Variants in DPP6 observed in about 807,000 individuals in gnomAD.
The protein encoded by DPP6 is A-type potassium channel modulatory protein DPP6.
Under a neutral mutation model 122.6 loss-of-function variants are expected in DPP6, and 69 were observed. The ratio of observed to expected loss-of-function variants is 0.56; its 90% CI spans 0.46 to 0.69. DPP6 has a LOEUF of 0.69. Among genes scored for constraint, DPP6 ranks in the 30% least tolerant of loss-of-function variants. The pLI is 0.00. For missense variants in DPP6, 928 were observed against 1,116.9 expected (o/e 0.83, Z 2.41); for synonymous variants, 418 against 433.1 (o/e 0.97, Z 0.43).
At chr7:154,137,190 A>G (rs1795599549) in intron 1 of DPP6, among the ~76,000 whole-genome samples, 3 of 152,168 alleles carry the variant, frequency 2.0e-5, no homozygotes, top group South Asian at 2.1e-4. Flanking sequence ...TTTTATGACA[A>G]CCATCTAAAC....
At chr7:154,707,155 G>T (rs1298125067) in intron 7 of DPP6, among the ~76,000 whole-genome samples, 2 of 152,214 alleles carry the variant, frequency 1.3e-5, no homozygotes, top group Non-Finnish European at 2.9e-5. Context: ...CAAGAATCCT[G>T]TGATTAAAAT....
At chr7:153,918,456 ACACACACACACTCT>A (rs1488709389) in intron 1 of DPP6, among the ~76,000 whole-genome samples, 52 of 104,418 alleles carry the variant, frequency 5.0e-4, no homozygotes, top group Non-Finnish European at 7.9e-4. Context: ...ACACACACAC[ACACACACACACTCT>A]CTCTCTCTCT....
At chr7:153,875,639 A>C in the DPP6 span, among the ~76,000 whole-genome samples, 1 of 152,188 alleles carries the variant, frequency 6.6e-6, no homozygotes, top group Middle Eastern at 3.4e-3. Context: ...TATCAATATA[A>C]GATTCTAATT....
chr7:154,233,108 G>A (rs1473128505), intron 1 of DPP6, among the ~76,000 whole-genome samples: 3 of 152,248 alleles, frequency 2.0e-5, no homozygotes, highest in Non-Finnish European at 4.4e-5. Context: ...AAACTGTGTA[G>A]ATAGTAAGTC....
chr7:154,837,142 T>C lies in DPP6; in HGVS notation c.1667-16638T>C, dbSNP rs1490357310. 7.9e-5 allele frequency among the ~76,000 whole-genome samples: 12 copies of C among 151,632 alleles called. No homozygotes were observed. In the East Asian group the frequency reaches 2.0e-3, roughly 25 times the overall value. ...ACATGCATGCAGGCACATTCACACA[T>C]GCATGCACACACATGCACACAAACA... On this transcript the variant is annotated intron_variant, in intron 16 of 25. Transcript: ENST00000377770.
chr7:154,194,759 G>A (rs146429887), intron 1 of DPP6, among the ~76,000 whole-genome samples: 2 of 152,234 alleles, frequency 1.3e-5, no homozygotes, highest in East Asian at 1.9e-4. Context: ...GGACTTATTC[G>A]TCTCTCCTCT....
chr7:154,582,361 A>T (rs1832127428), intron 5 of DPP6, among the ~76,000 whole-genome samples: 1 of 152,262 alleles, frequency 6.6e-6, no homozygotes, highest in South Asian at 2.1e-4. Context: ...TTAGTTTCCA[A>T]GAATCTTGTG....
At chr7:154,571,119 G>A (rs1353717313) in intron 5 of DPP6, among the ~76,000 whole-genome samples, 1 of 151,972 alleles carries the variant, frequency 6.6e-6, no homozygotes, top group African/African-American at 2.4e-5. Flanking sequence ...ATATTCTCTT[G>A]AAATTAAGTT....
At chr7:153,807,197 G>A in the DPP6 span, among the ~76,000 whole-genome samples, 3 of 151,816 alleles carry the variant, frequency 2.0e-5, no homozygotes, top group African/African-American at 7.3e-5. Flanking sequence ...CACATCACCT[G>A]AGGTCAGGAG....
At chr7:154,698,174 A>T (rs1317722455) in intron 7 of DPP6, among the ~76,000 whole-genome samples, 1 of 152,212 alleles carries the variant, frequency 6.6e-6, no homozygotes, top group Non-Finnish European at 1.5e-5. Flanking sequence ...ACCTTTTGAT[A>T]CAATTAGCAT....
Position 154,853,765 on chromosome 7 carries a change from C to T in DPP6, c.1667-15C>T, listed in dbSNP as rs745674990. On this transcript the variant is annotated splice_polypyrimidine_tract_variant and intron_variant, in intron 16 of 25. Coordinates refer to ENST00000377770, the MANE Select transcript of DPP6 (RefSeq NM_130797.4). ...CGTTTTTGTTTTCTTCCTGGCTATTCTCTACCCAACACAGGTCCTGGTGTT... is the reference window on the plus strand; with the variant it reads ...CGTTTTTGTTTTCTTCCTGGCTATTTTCTACCCAACACAGGTCCTGGTGTT... 6.2e-7 allele frequency: 1 copy of T among 1,611,320 alleles called. No individual in the cohort carries two copies. The highest frequency in any genetic ancestry group is 8.5e-7 in the Non-Finnish European group (1 of 1,179,012).
At chr7:153,755,740 C>A in the DPP6 span, among the ~76,000 whole-genome samples, 1 of 152,064 alleles carries the variant, frequency 6.6e-6, no homozygotes, top group Admixed American at 6.5e-5. Flanking sequence ...GATTTTAGCA[C>A]TGATTCCCTT....
At chr7:154,813,314 A>C (rs1799191282) in intron 16 of DPP6, among the ~76,000 whole-genome samples, 1 of 151,918 alleles carries the variant, frequency 6.6e-6, no homozygotes, top group Admixed American at 6.6e-5. Context: ...CAATCTCCTG[A>C]CCTTGTGATC....
chr7:154,086,499 A>C (rs2150539415), intron 1 of DPP6, among the ~76,000 whole-genome samples: 1 of 146,940 alleles, frequency 6.8e-6, no homozygotes, highest in Admixed American at 6.8e-5. Context: ...CCCCTTTCTC[A>C]TTCTGTTCCA....
chr7:154,258,919 C>T (rs1434490908), intron 1 of DPP6, among the ~76,000 whole-genome samples: 3 of 152,136 alleles, frequency 2.0e-5, no homozygotes, highest in Non-Finnish European at 4.4e-5. Context: ...ATTGAAACTA[C>T]AAGATATATG....
At chr7:154,724,037 T>A (rs1841947295) in intron 7 of DPP6, among the ~76,000 whole-genome samples, 1 of 152,318 alleles carries the variant, frequency 6.6e-6, no homozygotes, top group African/African-American at 2.4e-5. Flanking sequence ...GGTTCCTGGG[T>A]CACAGGTTCT....
intron 1 of DPP6, among the ~76,000 whole-genome samples, chr7:153,901,394 T>C (rs1182071224): frequency 2.0e-5 from 3 of 152,244 alleles, no homozygotes; most frequent in Non-Finnish European, 4.4e-5. Flanking sequence ...TAGTGCAATA[T>C]AGAGTCTTCT....
chr7:154,448,858 A>C (rs1176489063), intron 2 of DPP6, among the ~76,000 whole-genome samples: 1 of 152,208 alleles, frequency 6.6e-6, no homozygotes, highest in Non-Finnish European at 1.5e-5. Flanking sequence ...GTACAACTAG[A>C]TATTCACCTG....
the DPP6 span, among the ~76,000 whole-genome samples, chr7:153,754,327 C>T: frequency 3.9e-5 from 6 of 152,228 alleles, no homozygotes; most frequent in East Asian, 9.7e-4. Context: ...ATGTAAAATT[C>T]TGAGTTGACA....
Sources: allele counts gnomAD v4.1 joint callset (sites outside exome capture counted in the v4.1 genomes callset), GRCh38; gene constraint gnomAD v4.1.1; transcripts MANE v1.5; gene names NCBI Gene and HGNC (gene_info 2026-07-23, HGNC 2026-07-21).